The following SORCS1 variants were observed in gnomAD, a reference collection of about 807,000 sequenced individuals.
SORCS1 encodes the protein VPS10 domain-containing receptor SorCS1.
SORCS1 carries 60 observed loss-of-function variants against 146.1 expected under a neutral mutation model. The observed-to-expected ratio is 0.41, with a 90% confidence interval of 0.33 to 0.51. The LOEUF (loss-of-function observed/expected upper bound fraction) is 0.51. Among genes scored for constraint, SORCS1 ranks in the 20% least tolerant of loss-of-function variants. The pLI is 0.21. For synonymous variants in SORCS1, 637 were observed against 584.0 expected, an observed-to-expected ratio of 1.09 and a Z score of -1.31; for missense variants, 1,352 against 1,487.6, an observed-to-expected ratio of 0.91 and a Z score of 1.50.
chr10:107,034,516 T>C (rs1256242742), intron 1 of SORCS1, among the ~76,000 whole-genome samples: 3 of 150,818 alleles, frequency 2.0e-5, no homozygotes, highest in Non-Finnish European at 4.4e-5. Context: ...CCCATTTCTA[T>C]TAAAAATAGA....
At chr10:107,067,717 C>T (rs1257338830) in intron 1 of SORCS1, among the ~76,000 whole-genome samples, 1 of 152,158 alleles carries the variant, frequency 6.6e-6, no homozygotes. Context: ...CCTGTTCTTT[C>T]AATTATTAAC....
intron 21 of SORCS1, among the ~76,000 whole-genome samples, chr10:106,615,505 C>A (rs1486403641): frequency 6.6e-6 from 1 of 152,172 alleles, no homozygotes; most frequent in Non-Finnish European, 1.5e-5. Flanking sequence ...AGGAGTCACA[C>A]CTGTCATTAA....
chr10:107,100,354 A>T (rs1016970468), intron 1 of SORCS1, among the ~76,000 whole-genome samples: 1 of 152,110 alleles, frequency 6.6e-6, no homozygotes, highest in Admixed American at 6.5e-5. Flanking sequence ...TCTACTAAAA[A>T]TACAAAAAAC....
intron 3 of SORCS1, among the ~76,000 whole-genome samples, chr10:106,806,666 C>A (rs1947202166): frequency 6.6e-6 from 1 of 151,186 alleles, no homozygotes; most frequent in Non-Finnish European, 1.5e-5. Context: ...CAGGTGCCCG[C>A]CACCTCGCCC....
intron 18 of SORCS1, among the ~76,000 whole-genome samples, chr10:106,637,249 C>A (rs1848783920): frequency 1.3e-5 from 2 of 152,238 alleles, no homozygotes; most frequent in Admixed American, 6.5e-5. Context: ...CAAGCAAGTT[C>A]TTTGTCCTCT....
At chr10:106,866,905 A>G (rs1382986005) in intron 2 of SORCS1, among the ~76,000 whole-genome samples, 2 of 152,156 alleles carry the variant, frequency 1.3e-5, no homozygotes, top group Non-Finnish European at 2.9e-5. Context: ...ATGAGAAAAA[A>G]CCAATGCAAA....
intron 1 of SORCS1, among the ~76,000 whole-genome samples, chr10:107,052,836 A>G (rs78632564): frequency 6.6e-6 from 1 of 152,242 alleles, no homozygotes; most frequent in East Asian, 1.9e-4. Flanking sequence ...CATTAGTGAT[A>G]GAAAAAGGCC....
intron 9 of SORCS1, among the ~76,000 whole-genome samples, chr10:106,693,131 T>C (rs1386992794): frequency 2.0e-5 from 3 of 152,262 alleles, no homozygotes; most frequent in Admixed American, 1.3e-4. Context: ...TATATGCAAA[T>C]ATTGCAAAAT....
intron 2 of SORCS1, among the ~76,000 whole-genome samples, chr10:106,871,377 C>T (rs1479264596): frequency 6.6e-6 from 1 of 152,214 alleles, no homozygotes; most frequent in Admixed American, 6.5e-5. Context: ...ACCCAGCAAT[C>T]CCATTACTGG....
At chr10:106,649,899 C>A (rs1055957061) in intron 18 of SORCS1, among the ~76,000 whole-genome samples, 5 of 152,048 alleles carry the variant, frequency 3.3e-5, no homozygotes, top group Admixed American at 2.0e-4. Flanking sequence ...AACCTAAGTT[C>A]TTAATATCAG....
chr10:106,773,937 A>G (rs1860227673), intron 4 of SORCS1, among the ~76,000 whole-genome samples: 1 of 151,886 alleles, frequency 6.6e-6, no homozygotes, highest in South Asian at 2.1e-4. Context: ...TGACAGGGCA[A>G]GACTCCATCT....
chr10:107,066,285 G>A (rs1282486710), intron 1 of SORCS1, among the ~76,000 whole-genome samples: 1 of 152,134 alleles, frequency 6.6e-6, no homozygotes, highest in Admixed American at 6.5e-5. Flanking sequence ...TAACCCTGGA[G>A]TTGTCACTGT....
chr10:106,679,659 T>TGA lies in SORCS1; in HGVS notation c.1635_1636insTC (p.Thr546SerfsTer7). ...GATGCCACTATGATGCTTGGAGCTG[T>TGA]GTCTTTGCTGGCAATGATCCCTGAT... is the stretch of plus-strand genomic sequence containing the variant. On this transcript the variant is annotated frameshift_variant, in exon 11 of 26. Transcript: ENST00000263054. LOFTEE classifies it high-confidence loss of function. 6.2e-7 allele frequency: 1 copy of TGA among 1,612,620 alleles called. No homozygotes were observed. Among genetic ancestry groups the TGA allele is most frequent in the Non-Finnish European group, 8.5e-7 (1 of 1,179,250 alleles).
At chr10:106,934,881 AG>A (rs1425182381) in intron 2 of SORCS1, among the ~76,000 whole-genome samples, 1 of 152,182 alleles carries the variant, frequency 6.6e-6, no homozygotes, top group Non-Finnish European at 1.5e-5. Flanking sequence ...AAAGGCATAC[AG>A]AGTGACATAA....
At chr10:106,895,391 A>G (rs556403537) in intron 2 of SORCS1, among the ~76,000 whole-genome samples, 7 of 152,196 alleles carry the variant, frequency 4.6e-5, no homozygotes, top group Non-Finnish European at 1.0e-4. Context: ...TGGGCAGATC[A>G]CCTGAGGTCA....
chr10:106,784,374 G>C (rs1408815443), intron 3 of SORCS1, among the ~76,000 whole-genome samples: 2 of 145,902 alleles, frequency 1.4e-5, no homozygotes, highest in African/African-American at 5.1e-5. Flanking sequence ...CAGCCTGGGC[G>C]ACAGAGGGAG....
chr10:106,975,707 T>C lies in SORCS1; in HGVS notation c.559-19127A>G, dbSNP rs556313508. Among the ~76,000 whole-genome samples the C allele has an allele frequency of 1.1e-4, 16 of 152,376 alleles. No homozygotes were observed. The South Asian group carries it at 3.3e-3, about 32-fold the overall frequency. On this transcript the variant is annotated intron_variant, in intron 1 of 25. Coordinates refer to ENST00000263054, the MANE Select transcript of SORCS1 (RefSeq NM_052918.5). ...TCAATAAGACATCCAAAGTCCTTTC[T>C]ATATAGCACATATTTCCTTTCTGGT... is the stretch of plus-strand genomic sequence containing the variant.
chr10:107,132,571 T>C (rs888324041), intron 1 of SORCS1, among the ~76,000 whole-genome samples: 2 of 152,234 alleles, frequency 1.3e-5, no homozygotes, highest in African/African-American at 4.8e-5. Context: ...CAGTCACAGC[T>C]GGGCTGAAGT....
intron 25 of SORCS1, chr10:106,579,065 G>A (rs1844737632): frequency 1.9e-6 from 3 of 1,612,336 alleles, no homozygotes; most frequent in Non-Finnish European, 2.5e-6. Flanking sequence ...CAGCCGAACA[G>A]CTGGTGGCTA....
Sources: gnomAD v4.1 joint callset for allele counts (sites outside exome capture counted in the v4.1 genomes callset) on GRCh38, gnomAD v4.1.1 for gene constraint, MANE v1.5 for transcripts, NCBI Gene and HGNC (gene_info 2026-07-23, HGNC 2026-07-21) for gene names.